The following NPAS3 variants were observed in gnomAD, a reference collection of about 807,000 sequenced individuals.
NPAS3 encodes the protein neuronal PAS domain protein 3.
NPAS3 carries 14 observed loss-of-function variants against 73.1 expected under a neutral mutation model. The observed-to-expected ratio is 0.19, with a 90% confidence interval of 0.13 to 0.30. The LOEUF (loss-of-function observed/expected upper bound fraction) is 0.30. Ranked by LOEUF, NPAS3 falls within the 10% of genes least tolerant of loss-of-function variation. The pLI is 1.00. For synonymous variants in NPAS3, 620 were observed against 541.5 expected, an observed-to-expected ratio of 1.14 and a Z score of -2.01; for missense variants, 1,096 against 1,250.0, an observed-to-expected ratio of 0.88 and a Z score of 1.86.
At chr14:33,525,047 T>C (rs2053736143) in intron 4 of NPAS3, among the ~76,000 whole-genome samples, 1 of 152,214 alleles carries the variant, frequency 6.6e-6, no homozygotes, top group Admixed American at 6.5e-5. Context: ...ATTCAACCCA[T>C]AATAGTACAT....
chr14:33,343,832 T>C (rs10131314), intron 3 of NPAS3, among the ~76,000 whole-genome samples: 9,199 of 152,078 alleles, frequency 0.06, 731 homozygotes, highest in East Asian at 0.21. Flanking sequence ...GTGCAGCAGC[T>C]CAGCAAGGTC....
At chr14:33,330,195 A>G (rs2043918839) in intron 3 of NPAS3, among the ~76,000 whole-genome samples, 1 of 152,132 alleles carries the variant, frequency 6.6e-6, no homozygotes, top group African/African-American at 2.4e-5. Context: ...GTGAGCCAAG[A>G]TCACGCCACT....
At chr14:33,543,997 A>ATATATATC (rs2054658180) in intron 4 of NPAS3, among the ~76,000 whole-genome samples, 2 of 61,902 alleles carry the variant, frequency 3.2e-5, no homozygotes, top group Admixed American at 1.7e-4. Flanking sequence ...ATATATATAT[A>ATATATATC]TATATCTATA....
chr14:33,162,438 T>C (rs935870594), intron 2 of NPAS3, among the ~76,000 whole-genome samples: 1 of 152,200 alleles, frequency 6.6e-6, no homozygotes, highest in African/African-American at 2.4e-5. Flanking sequence ...CTCAGGTCAC[T>C]ATCACACTTA....
intron 3 of NPAS3, among the ~76,000 whole-genome samples, chr14:33,230,437 C>G (rs1260506188): frequency 6.6e-6 from 1 of 152,088 alleles, no homozygotes; most frequent in East Asian, 1.9e-4. Context: ...AATTAAAGAC[C>G]CTTGGAAAGA....
intron 1 of NPAS3, among the ~76,000 whole-genome samples, chr14:33,036,472 T>C (rs943365828): frequency 2.0e-5 from 3 of 151,832 alleles, no homozygotes; most frequent in Non-Finnish European, 4.4e-5. Context: ...CTAAAGATAG[T>C]AGAAAGAAAA....
In NPAS3 at chr14:33,321,721, C is replaced by A. The variant is rs144585016; in HGVS notation, c.386-45465C>A. 8.0e-3 allele frequency among the ~76,000 whole-genome samples: 1,222 copies of A among 152,048 alleles called. 19 individuals carry two copies. The highest frequency in any genetic ancestry group is 0.027 in the African/African-American group (1,101 of 41,452). On this transcript the variant is annotated intron_variant, in intron 3 of 11. Coordinates refer to ENST00000356141, the Ensembl canonical transcript of NPAS3. ...GTGGTGGGTTAATGCACATATTGAG[C>A]ACAAAGTAGGTGCTCAATATGTAAG...
At chr14:33,294,652 C>A (rs2042223905) in intron 3 of NPAS3, among the ~76,000 whole-genome samples, 1 of 152,152 alleles carries the variant, frequency 6.6e-6, no homozygotes, top group African/African-American at 2.4e-5. Flanking sequence ...TTTAAATAAA[C>A]TATTTAGAGT....
chr14:33,619,542 A>G (rs890954377), intron 5 of NPAS3, among the ~76,000 whole-genome samples: 9 of 152,254 alleles, frequency 5.9e-5, no homozygotes, highest in Non-Finnish European at 1.2e-4. Flanking sequence ...AGGTTTCATT[A>G]GTTCAGACAA....
chr14:33,453,505 A>G (rs2049894256), intron 4 of NPAS3, among the ~76,000 whole-genome samples: 1 of 152,160 alleles, frequency 6.6e-6, no homozygotes, highest in African/African-American at 2.4e-5. Context: ...AAGGGCTATG[A>G]TTAAAGAAAC....
chr14:33,627,744 C>G (rs1166708497), intron 5 of NPAS3, among the ~76,000 whole-genome samples: 1 of 152,194 alleles, frequency 6.6e-6, no homozygotes, highest in African/African-American at 2.4e-5. Context: ...ATGAACACAT[C>G]TGTGCCTATG....
chr14:32,935,039 G>A (rs1595035092), upstream of NPAS3: 3 of 1,222,144 alleles, frequency 2.5e-6, no homozygotes, highest in South Asian at 2.8e-5. Context: ...TAGTGCCCCC[G>A]CCCCGGGGTG....
chr14:33,188,086 C>T (rs1440908396), intron 2 of NPAS3, among the ~76,000 whole-genome samples: 2 of 152,146 alleles, frequency 1.3e-5, no homozygotes, highest in East Asian at 3.8e-4. Context: ...CAGTCTGATG[C>T]CATGGACCAT....
At position 33,593,065 on chromosome 14, in the gene NPAS3, C is replaced by T. The variant is rs75924250; in HGVS notation, c.558+32855C>T. Among the ~76,000 whole-genome samples the T allele has an allele frequency of 0.013, 2,014 of 152,110 alleles. 110 individuals carry two copies. In the East Asian group the frequency reaches 0.19, roughly 15 times the overall value. On this transcript the variant is annotated intron_variant, in intron 5 of 11. Coordinates refer to ENST00000356141, the Ensembl canonical transcript of NPAS3. ...ACCCCATTTATAGTAGTGGGCTTGGCACATGGAGGGGTCATATCACCAGAC... is the reference window on the plus strand; with the variant it reads ...ACCCCATTTATAGTAGTGGGCTTGGTACATGGAGGGGTCATATCACCAGAC...
At chr14:33,422,241 A>T (rs1431491979) in intron 4 of NPAS3, among the ~76,000 whole-genome samples, 2 of 151,992 alleles carry the variant, frequency 1.3e-5, no homozygotes, top group African/African-American at 4.8e-5. Flanking sequence ...TGATGGGGAA[A>T]TATCAAATAG....
intron 4 of NPAS3, among the ~76,000 whole-genome samples, chr14:33,523,561 G>A (rs528851052): frequency 4.0e-5 from 6 of 151,688 alleles, no homozygotes; most frequent in South Asian, 4.2e-4. Context: ...TCAGGAGTTC[G>A]AAATTAGCCT....
intron 1 of NPAS3, among the ~76,000 whole-genome samples, chr14:33,000,763 G>A (rs1022765176): frequency 5.9e-5 from 9 of 152,198 alleles, no homozygotes; most frequent in African/African-American, 2.2e-4. Context: ...ATGGAGTTGG[G>A]AAAATTATTG....
chr14:33,393,226 T>C (rs1412667863), intron 4 of NPAS3, among the ~76,000 whole-genome samples: 1 of 152,106 alleles, frequency 6.6e-6, no homozygotes, highest in African/African-American at 2.4e-5. Flanking sequence ...TTGGGGAGCA[T>C]TGTTAAGCCA....
intron 5 of NPAS3, among the ~76,000 whole-genome samples, chr14:33,577,564 A>G (rs560348511): frequency 3.9e-5 from 6 of 152,318 alleles, no homozygotes; most frequent in African/African-American, 1.4e-4. Flanking sequence ...AGAACCAGGA[A>G]GTGGTAAGCC....
Sources: gnomAD v4.1 joint callset for allele counts (sites outside exome capture counted in the v4.1 genomes callset) on GRCh38, gnomAD v4.1.1 for gene constraint, MANE v1.5 for transcripts, NCBI Gene and HGNC (gene_info 2026-07-23, HGNC 2026-07-21) for gene names.